The following NT5C variants were observed in gnomAD, a reference collection of about 807,000 sequenced individuals.
NT5C encodes 5'(3')-deoxyribonucleotidase, cytosolic type.
NT5C carries 14 observed loss-of-function variants against 17.6 expected under a neutral mutation model. The observed-to-expected ratio is 0.79, with a 90% confidence interval of 0.52 to 1.24. The LOEUF (loss-of-function observed/expected upper bound fraction) is 1.24, where lower values mean the gene tolerates loss of function less well. Ranked by LOEUF, NT5C falls within the 50% of genes most tolerant of loss-of-function variation. The pLI, the probability that NT5C is intolerant of heterozygous loss-of-function variation, is 0.00. For missense variants in NT5C, 328 were observed against 278.3 expected, an observed-to-expected ratio of 1.18 and a Z score of -1.27; for synonymous variants, 153 against 119.2, an observed-to-expected ratio of 1.28 and a Z score of -1.85.
At position 75,130,961 on chromosome 17, in the gene NT5C, C is replaced by G. The variant is rs762057012; in HGVS notation, c.336+84G>C. 9 of 1,604,240 alleles carry G rather than the reference C, an allele frequency of 5.6e-6. No homozygotes were observed. The African/African-American group carries it at 1.2e-4, about 22-fold the overall frequency. On this transcript the variant is annotated intron_variant, in intron 3 of 4. Transcript: ENST00000245552. ...CTAAGCCCTTGAGAGCCCCCCACCCCCACCTTCTGGGTTTCTGGTGGTTTC... is the reference window on the plus strand; with the variant it reads ...CTAAGCCCTTGAGAGCCCCCCACCCGCACCTTCTGGGTTTCTGGTGGTTTC...
intron 4 of NT5C, 45 bp downstream of exon 4, chr17:75,130,708 G>A (rs757778896): frequency 1.2e-6 from 2 of 1,613,308 alleles, no homozygotes; most frequent in Non-Finnish European, 8.5e-7. Context: ...TCCCTAATCC[G>A]GGCAGGCCAG....
chr17:75,131,131 C>T lies in NT5C; in HGVS notation c.276-26G>A, dbSNP rs761718269. ...CTGCGGAGAAGGACGCGGTTACCGC[C>T]GGGAGCCAGGAGCCCGCCCAGGACT... On this transcript the variant is annotated intron_variant, in intron 2 of 4. Transcript: ENST00000245552. The T allele has an allele frequency of 3.1e-6, 5 of 1,612,510 alleles. No homozygotes were observed. The South Asian group carries it at 3.3e-5, about 11-fold the overall frequency.
chr17:75,131,159 G>A lies in NT5C; in HGVS notation c.275+22C>T, dbSNP rs1247742121. On this transcript the variant is annotated intron_variant, in intron 2 of 4. Transcript: ENST00000245552. ...GAGCCAGGAGCCCGCCCAGGACTCC[G>A]CCCGCCCCCCTCTCTCCTTACTCCG... 5 of 1,612,048 alleles carry A rather than the reference G, an allele frequency of 3.1e-6. 1 individual carries two copies. The highest frequency in any genetic ancestry group is 2.2e-5 in the South Asian group (2 of 91,026).
Position 75,131,621 on chromosome 17 carries a change from G to C in NT5C, c.87C>G (p.Arg29=). 7.2e-7 allele frequency: 1 copy of C among 1,381,486 alleles called. No individual in the cohort carries two copies. Among genetic ancestry groups the C allele is most frequent in the South Asian group, 1.6e-5 (1 of 61,096 alleles). The allele number at this position is 1,381,486 out of a possible 1,614,324, so 85.6% of individuals were successfully genotyped here. A position where few individuals can be genotyped will look rare whatever the true frequency, so the allele number is the denominator to read the frequency against. The stretch of plus-strand genomic sequence containing the variant: ...GCGGCACGTGCGGCTCCTCAGGGAA[G>C]CGGCGGCGGAAGCCCCGCAGGAGGC... ...EAGLLRGFRR[R]FPEEPHVPLE... Residue 29 remains arginine, a synonymous_variant, in exon 1 of 5, where the codon CGC becomes CGG. Coordinates refer to ENST00000245552, the MANE Select transcript of NT5C (RefSeq NM_014595.3).
rs1436965991 is a variant in NT5C, at chr17:75,130,362, G to A, written c.*126C>T. 3 of 1,228,004 alleles carry A rather than the reference G, an allele frequency of 2.4e-6. No individual in the cohort carries two copies. Among genetic ancestry groups the A allele is most frequent in the Admixed American group, 2.0e-5 (1 of 49,440 alleles). The allele number at this position is 1,228,004 out of a possible 1,614,324, so 76.1% of individuals were successfully genotyped here. A position where few individuals can be genotyped will look rare whatever the true frequency, so the allele number is the denominator to read the frequency against. Reference sequence around the variant, plus strand: ...GGGGCCCGGTAGCACAGCGCTTAACGGTATCTGCCTGCTCCACTCCACGGG... The same window carrying A: ...GGGGCCCGGTAGCACAGCGCTTAACAGTATCTGCCTGCTCCACTCCACGGG... On this transcript the variant is annotated 3_prime_UTR_variant, in exon 5 of 5. Transcript: ENST00000245552.
At position 75,131,239 on chromosome 17, in the gene NT5C, C is replaced by A; in HGVS notation, c.217G>T (p.Asp73Tyr). The change falls in exon 2 of 5, where the codon GAC becomes TAC. Residue 73 changes from aspartate to tyrosine, a missense_variant. By Grantham distance (160) the Asp-to-Tyr change is radical. Coordinates refer to ENST00000245552, the MANE Select transcript of NT5C (RefSeq NM_014595.3). ...SVYEAPGFFL[D>Y]LEPIPGALDA... Reference sequence around the variant, plus strand: ...AAGGCTCCCGGGATGGGCTCCAGGTCCAGGAAAAAGCCCGGGGCTTCGTAC... The same window carrying A: ...AAGGCTCCCGGGATGGGCTCCAGGTACAGGAAAAAGCCCGGGGCTTCGTAC... 6.2e-7 allele frequency: 1 copy of A among 1,614,024 alleles called. No homozygotes were observed. The highest frequency in any genetic ancestry group is 1.7e-5 in the Admixed American group (1 of 60,036).
intron 3 of NT5C, 28 bp from the exon 4 acceptor site, chr17:75,130,895 G>A: frequency 6.2e-7 from 1 of 1,613,678 alleles, no homozygotes; most frequent in Non-Finnish European, 8.5e-7. Context: ...TCTGTGAGTA[G>A]GGCCTGATGG....
rs1375442435 is a variant in NT5C at position 75,131,617 on chromosome 17, G to T, written c.91C>A (p.Pro31Thr). Residue 31 changes from proline to threonine, a missense_variant, in exon 1 of 5, where the codon CCT becomes ACT. By Grantham distance (38) the Pro-to-Thr change is conservative. Transcript: ENST00000245552. ...TCCAGCGGCACGTGCGGCTCCTCAG[G>T]GAAGCGGCGGCGGAAGCCCCGCAGG... Reference protein sequence around the residue: ...GLLRGFRRRFPEEPHVPLEQR... With the variant: ...GLLRGFRRRFTEEPHVPLEQR... 7.2e-7 allele frequency: 1 copy of T among 1,386,810 alleles called. No homozygotes were observed. Among genetic ancestry groups the T allele is most frequent in the South Asian group, 1.6e-5 (1 of 62,126 alleles). 85.9% of individuals were successfully genotyped at this position (1,386,810 alleles called of 1,614,324 possible).
At position 75,131,583 on chromosome 17, in the gene NT5C, C is replaced by G. The variant is rs759583586; in HGVS notation, c.125G>C (p.Arg42Pro). The stretch of plus-strand genomic sequence containing the variant: ...GTACTGCTCGCGGGCCAGGAAGCCG[C>G]GGCGTTGCTCCAGCGGCACGTGCGG... ...EEPHVPLEQR[R>P]GFLAREQYRA... The change falls in exon 1 of 5, where the codon CGC (arginine) becomes CCC (proline). Residue 42 changes from arginine to proline, a missense_variant. Transcript: ENST00000245552. 4.3e-6 allele frequency: 6 copies of G among 1,392,952 alleles called. No individual in the cohort carries two copies. The Admixed American group carries it at 2.1e-4, about 48-fold the overall frequency. The allele number at this position is 1,392,952 out of a possible 1,614,324, so 86.3% of individuals were successfully genotyped here.
chr17:75,130,743 C>T lies in NT5C; in HGVS notation c.451+10G>A. The T allele has an allele frequency of 6.2e-7, 1 of 1,614,006 alleles. No homozygotes were observed. Among genetic ancestry groups the T allele is most frequent in the Non-Finnish European group, 8.5e-7 (1 of 1,179,842 alleles). The stretch of plus-strand genomic sequence containing the variant: ...GAGGCCTGGAGGCTGCCAAGGATAA[C>T]GGGTCCAACCTCGAACTGTGTCCTT... On this transcript the variant is annotated intron_variant, in intron 4 of 4. Transcript: ENST00000245552.
rs1300127596 is a variant in NT5C, at chr17:75,130,880, C to A, written c.337-13G>T. On this transcript the variant is annotated splice_polypyrimidine_tract_variant and intron_variant, in intron 3 of 4. Coordinates refer to ENST00000245552, the MANE Select transcript of NT5C (RefSeq NM_014595.3). ...CCACCCAGCGGTACTGTGTAGAAAA[C>A]ACAGTCTGTGAGTAGGGCCTGATGG... 3.7e-6 allele frequency: 6 copies of A among 1,613,596 alleles called. No homozygotes were observed. The highest frequency in any genetic ancestry group is 1.7e-5 in the Admixed American group (1 of 60,002).
Position 75,130,475 on chromosome 17 carries a change from GCGGCATCCCCGCTCATT to G in NT5C, c.602_*12del, listed in dbSNP as rs754899584. 357 of 1,613,152 alleles carry G rather than the reference GCGGCATCCCCGCTCATT, an allele frequency of 2.2e-4. 1 individual carries two copies. The South Asian group carries it at 2.4e-3, about 11-fold the overall frequency. ...CTTCCTTTAGCTCCAGCTGCTGCCC[GCGGCATCCCCGCTCATT>G]CCCGCTGCGCAGCTCCGCGCTTGCT... On this transcript the variant is annotated stop_lost and 3_prime_UTR_variant, in exon 5 of 5. Coordinates refer to ENST00000245552, the MANE Select transcript of NT5C (RefSeq NM_014595.3).
At position 75,130,385 on chromosome 17, in the gene NT5C, G is replaced by C. The variant is rs111483112; in HGVS notation, c.*103C>G. ...ACGGTATCTGCCTGCTCCACTCCAC[G>C]GGGCCAGAGGCACCAGCACGATGCC... On this transcript the variant is annotated 3_prime_UTR_variant, in exon 5 of 5. Transcript: ENST00000245552. 7 of 1,431,142 alleles carry C rather than the reference G, an allele frequency of 4.9e-6. No homozygotes were observed. The South Asian group carries it at 7.6e-5, about 15-fold the overall frequency. 88.7% of individuals were successfully genotyped at this position (1,431,142 alleles called of 1,614,324 possible). A position where few individuals can be genotyped will look rare whatever the true frequency, so the allele number is the denominator to read the frequency against.
Position 75,130,628 on chromosome 17 carries a change from G to T in NT5C, c.466C>A (p.Pro156Thr). 1 of 1,595,132 alleles carries T rather than the reference G, an allele frequency of 6.3e-7. No homozygotes were observed. Among genetic ancestry groups the T allele is most frequent in the Non-Finnish European group, 8.5e-7 (1 of 1,173,392 alleles). ...GTGAACAAGATGTGCTCCCAGCTTG[G>T]GGTCTCCTCCTGGCCTAGGACAGTG... is the stretch of plus-strand genomic sequence containing the variant. Reference protein sequence around the residue: ...KDTVRGQEETPSWEHILFTCC... With the variant: ...KDTVRGQEETTSWEHILFTCC... Residue 156 changes from proline (P) to threonine (T), a missense_variant, in exon 5 of 5, where the codon CCA (proline) becomes ACA (threonine). Physicochemically the swap from Pro to Thr is conservative, Grantham distance 38 (BLOSUM62 -1). Coordinates refer to ENST00000245552, the MANE Select transcript of NT5C (RefSeq NM_014595.3).
At position 75,130,474 on chromosome 17, in the gene NT5C, C is replaced by CGCG; in HGVS notation, c.*11_*13dup. ...CCTTCCTTTAGCTCCAGCTGCTGCC[C>CGCG]GCGGCATCCCCGCTCATTCCCGCTG... On this transcript the variant is annotated 3_prime_UTR_variant, in exon 5 of 5. Coordinates refer to ENST00000245552, the MANE Select transcript of NT5C (RefSeq NM_014595.3). 1 of 1,613,060 alleles carries CGCG rather than the reference C, an allele frequency of 6.2e-7. No individual in the cohort carries two copies. Among genetic ancestry groups the CGCG allele is most frequent in the Non-Finnish European group, 8.5e-7 (1 of 1,179,498 alleles).
chr17:75,131,491 G>A, intron 1 of NT5C, 43 bp downstream of exon 1: 1 of 1,432,502 alleles, frequency 7.0e-7, no homozygotes, highest in Non-Finnish European at 9.1e-7. Flanking sequence ...CCCCGGAACG[G>A]AGCGAGCGGG....
In NT5C at chr17:75,131,603, G is replaced by T; in HGVS notation, c.105C>A (p.His35Gln). 7.2e-7 allele frequency: 1 copy of T among 1,396,768 alleles called. No individual in the cohort carries two copies. Among genetic ancestry groups the T allele is most frequent in the Non-Finnish European group, 9.2e-7 (1 of 1,081,966 alleles). The allele number at this position is 1,396,768 out of a possible 1,614,324, so 86.5% of individuals were successfully genotyped here. ...AGCCGCGGCGTTGCTCCAGCGGCAC[G>T]TGCGGCTCCTCAGGGAAGCGGCGGC... ...GFRRRFPEEP[H>Q]VPLEQRRGFL... is the part of the protein sequence containing the mutation. The change falls in exon 1 of 5, where the codon CAC (histidine) becomes CAA (glutamine). Residue 35 changes from histidine to glutamine, a missense_variant. Physicochemically the swap from His to Gln is conservative, Grantham distance 24 (BLOSUM62 0). Coordinates refer to ENST00000245552, the MANE Select transcript of NT5C (RefSeq NM_014595.3).
chr17:75,131,736 G>A lies in NT5C; in HGVS notation c.-29C>T. On this transcript the variant is annotated 5_prime_UTR_variant, in exon 1 of 5. Transcript: ENST00000245552. ...CGCCGGGCCGGAGCTGCGAGCTCTC[G>A]GGGTCTGGGGGGCGCGGGCTCGGCC... 2 of 1,257,948 alleles carry A rather than the reference G, an allele frequency of 1.6e-6. No homozygotes were observed. The highest frequency in any genetic ancestry group is 3.1e-5 in the East Asian group (1 of 31,752). The allele number at this position is 1,257,948 out of a possible 1,614,324, so 77.9% of individuals were successfully genotyped here.
chr17:75,131,552 G>A lies in NT5C; in HGVS notation c.156C>T (p.Ala52=), dbSNP rs1010835575. ...RGFLAREQYR[A]LRPDLADKVA... is the part of the protein sequence containing the mutation. Reference sequence around the variant, plus strand: ...CCCCTACCGCCAGGTCGGGCCGCAGGGCGCGGTACTGCTCGCGGGCCAGGA... The same window carrying A: ...CCCCTACCGCCAGGTCGGGCCGCAGAGCGCGGTACTGCTCGCGGGCCAGGA... Residue 52 remains alanine, a synonymous_variant, in exon 1 of 5, where the codon GCC becomes GCT. Transcript: ENST00000245552. 6 of 1,399,992 alleles carry A rather than the reference G, an allele frequency of 4.3e-6. No homozygotes were observed. The highest frequency in any genetic ancestry group is 3.4e-5 in the Admixed American group (1 of 29,402). 86.7% of individuals were successfully genotyped at this position (1,399,992 alleles called of 1,614,324 possible). A position where few individuals can be genotyped will look rare whatever the true frequency, so the allele number is the denominator to read the frequency against.
Sources: allele counts gnomAD v4.1 joint callset, GRCh38; gene constraint gnomAD v4.1.1; transcripts MANE v1.5; gene names NCBI Gene and HGNC (gene_info 2026-07-23, HGNC 2026-07-21).